COL26A1: variants seen among roughly 807,000 people sequenced by gnomAD.
COL26A1 encodes the protein collagen type XXVI alpha 1 chain.
A neutral mutation model predicts 59.3 loss-of-function variants in COL26A1; 41 were observed. That is an observed-to-expected ratio of 0.69 (90% confidence interval 0.54 to 0.90). COL26A1 has a LOEUF of 0.90. Among genes scored for constraint, COL26A1 ranks in the 40% least tolerant of loss-of-function variants. The pLI is 0.00. For synonymous variants in COL26A1, 266 were observed against 256.0 expected (o/e 1.04, Z -0.37); for missense variants, 612 against 602.3 (o/e 1.02, Z -0.17).
intron 5 of COL26A1, among the ~76,000 whole-genome samples, chr7:101,543,201 G>C (rs911744509): frequency 3.3e-5 from 5 of 150,942 alleles, no homozygotes; most frequent in South Asian, 2.1e-4. Flanking sequence ...AGACGGTCTC[G>C]CTCTGTAAGC....
At chr7:101,488,929 C>T (rs1306152395) in intron 3 of COL26A1, among the ~76,000 whole-genome samples, 3 of 152,080 alleles carry the variant, frequency 2.0e-5, no homozygotes, top group Non-Finnish European at 2.9e-5. Context: ...TTTTTGTCCA[C>T]GTTCCTGTAA....
chr7:101,499,896 A>AAAAGG (rs35819045), intron 3 of COL26A1, among the ~76,000 whole-genome samples: 1 of 141,174 alleles, frequency 7.1e-6, no homozygotes, highest in African/African-American at 2.7e-5. Context: ...AAAAAAAAAA[A>AAAAGG]CACCTTTGTT....
At chr7:101,462,385 C>G (rs184387432) in intron 3 of COL26A1, among the ~76,000 whole-genome samples, 1 of 151,494 alleles carries the variant, frequency 6.6e-6, no homozygotes, top group South Asian at 2.1e-4. Context: ...GGTGCCATCT[C>G]GGCTCACTGC....
At chr7:101,448,855 C>T (rs1157996540) in intron 3 of COL26A1, among the ~76,000 whole-genome samples, 1 of 152,210 alleles carries the variant, frequency 6.6e-6, no homozygotes, top group Non-Finnish European at 1.5e-5. Flanking sequence ...TGACAAAATT[C>T]TTCTCTTCTC....
rs1435568109 is a variant in COL26A1, at chr7:101,558,563, G to GGCCTCT, written c.*1033_*1034insGCCTCT. The GGCCTCT allele has an allele frequency of 6.6e-6, 1 of 152,262 alleles. No individual in the cohort carries two copies. The highest frequency in any genetic ancestry group is 2.4e-5 in the African/African-American group (1 of 41,460). 9.4% of individuals were successfully genotyped at this position (152,262 alleles called of 1,614,324 possible). On this transcript the variant is annotated 3_prime_UTR_variant, in exon 13 of 13. Coordinates refer to ENST00000313669, the MANE Select transcript of COL26A1 (RefSeq NM_001278563.3). ...TGCAAGCTGCAGAGAGGGAAACAGA[G>GGCCTCT]TCCCAGGCCTGCTGGGAAGAGATGC...
intron 3 of COL26A1, among the ~76,000 whole-genome samples, chr7:101,525,734 G>C (rs1795233066): frequency 6.6e-6 from 1 of 152,124 alleles, no homozygotes; most frequent in Non-Finnish European, 1.5e-5. Flanking sequence ...CTGACCTCGT[G>C]ATCCGCCCAC....
intron 1 of COL26A1, among the ~76,000 whole-genome samples, chr7:101,382,770 G>A (rs530071960): frequency 6.6e-6 from 1 of 152,308 alleles, no homozygotes; most frequent in African/African-American, 2.4e-5. Flanking sequence ...TTATGGCCAA[G>A]CTTGGTGGCT....
intron 1 of COL26A1, among the ~76,000 whole-genome samples, chr7:101,364,368 C>G (rs1239622645): frequency 6.6e-6 from 1 of 151,256 alleles, no homozygotes; most frequent in Non-Finnish European, 1.5e-5. Flanking sequence ...GAGGCAGAAT[C>G]TCAACTCTGT....
chr7:101,551,230 T>TGGGGGGTGGGG, intron 10 of COL26A1, 87 bp downstream of exon 10: 1 of 113,778 alleles, frequency 8.8e-6, no homozygotes, highest in Non-Finnish European at 1.6e-5. Context: ...CGGGGGTTGG[T>TGGGGGGTGGGG]GGGGGGGTTC....
chr7:101,387,630 G>GCGCTCTCTCTCTCTCTCTCTCTCT (rs1554404011), intron 1 of COL26A1, among the ~76,000 whole-genome samples: 1 of 132,424 alleles, frequency 7.6e-6, no homozygotes, highest in African/African-American at 2.8e-5. Flanking sequence ...TCTCTCTCTC[G>GCGCTCTCTCTCTCTCTCTCTCTCT]CTCTCTCTCT....
At chr7:101,383,033 T>G (rs1791483601) in intron 1 of COL26A1, among the ~76,000 whole-genome samples, 1 of 151,076 alleles carries the variant, frequency 6.6e-6, no homozygotes, top group Non-Finnish European at 1.5e-5. Context: ...CAGAGCAAGA[T>G]CCTGTCTCAA....
At chr7:101,414,808 G>A (rs1428532049) in intron 1 of COL26A1, among the ~76,000 whole-genome samples, 1 of 152,140 alleles carries the variant, frequency 6.6e-6, no homozygotes, top group Non-Finnish European at 1.5e-5. Context: ...ATCAAAGGAA[G>A]GGCCTAGGCT....
chr7:101,457,587 T>G (rs1793508222), intron 3 of COL26A1, among the ~76,000 whole-genome samples: 1 of 152,162 alleles, frequency 6.6e-6, no homozygotes, highest in Non-Finnish European at 1.5e-5. Flanking sequence ...ACCCCCAGCG[T>G]GTGAGGTTAG....
In COL26A1 at chr7:101,447,801, C is replaced by G. The variant is rs771897321; in HGVS notation, c.385+14C>G. 1.3e-6 allele frequency: 2 copies of G among 1,556,634 alleles called. No homozygotes were observed. Among genetic ancestry groups the G allele is most frequent in the Non-Finnish European group, 1.8e-6 (2 of 1,139,852 alleles). The stretch of plus-strand genomic sequence containing the variant: ...ACTGTGATGAGGGTAAGTTGGCAGG[C>G]ACTTGGGCTGCAGGGGGCCAGGCGT... On this transcript the variant is annotated intron_variant, in intron 3 of 12. Transcript: ENST00000313669.
chr7:101,431,240 GT>G (rs1157528347), intron 2 of COL26A1, among the ~76,000 whole-genome samples: 1 of 152,020 alleles, frequency 6.6e-6, no homozygotes, highest in Non-Finnish European at 1.5e-5. Context: ...TAAATGTAAG[GT>G]TTTCTTTTTG....
At chr7:101,474,415 A>T (rs1793985284) in intron 3 of COL26A1, among the ~76,000 whole-genome samples, 1 of 136,632 alleles carries the variant, frequency 7.3e-6, no homozygotes, top group African/African-American at 3.1e-5. Context: ...TGGGCAATAT[A>T]GCAAGACCCC....
At chr7:101,416,270 T>G (rs1174746962) in intron 1 of COL26A1, among the ~76,000 whole-genome samples, 2 of 142,320 alleles carry the variant, frequency 1.4e-5, no homozygotes, top group African/African-American at 5.0e-5. Flanking sequence ...CGCACACCTG[T>G]GGTCCCAGCT....
rs1334743258 is a variant in COL26A1 at position 101,461,401 on chromosome 7, C to T, written c.385+13614C>T. Among the ~76,000 whole-genome samples, 8 of 151,644 alleles carry T rather than the reference C, an allele frequency of 5.3e-5. No individual in the cohort carries two copies. In the South Asian group the frequency reaches 1.3e-3, roughly 24 times the overall value. On this transcript the variant is annotated intron_variant, in intron 3 of 12. Coordinates refer to ENST00000313669, the MANE Select transcript of COL26A1 (RefSeq NM_001278563.3). ...GCAACCTCCGCCTCCCGGGTTCAAGCGATTCTCCTGCCTCAGCTTCCCAGG... is the reference window on the plus strand; with the variant it reads ...GCAACCTCCGCCTCCCGGGTTCAAGTGATTCTCCTGCCTCAGCTTCCCAGG...
rs555724159 is a variant in COL26A1, at chr7:101,509,211, G to A, written c.386-23871G>A. Among the ~76,000 whole-genome samples the A allele has an allele frequency of 2.6e-4, 40 of 152,256 alleles. 1 individual carries two copies. In the South Asian group the frequency reaches 6.6e-3, roughly 25 times the overall value. On this transcript the variant is annotated intron_variant, in intron 3 of 12. Coordinates refer to ENST00000313669, the MANE Select transcript of COL26A1 (RefSeq NM_001278563.3). ...TGTAATCCCAGCACTTTGGGAGGCC[G>A]AGGTGGGCGGATGATTTGAGGTCAG...
Sources: gnomAD v4.1 joint callset for allele counts (sites outside exome capture counted in the v4.1 genomes callset) on GRCh38, gnomAD v4.1.1 for gene constraint, MANE v1.5 for transcripts, NCBI Gene and HGNC (gene_info 2026-07-23, HGNC 2026-07-21) for gene names.